Variants in SLC22A23 observed in about 807,000 individuals in gnomAD.
SLC22A23 encodes the protein solute carrier family 22 member 23, also known as ion transporter protein.
A neutral mutation model predicts 61.0 loss-of-function variants in SLC22A23; 26 were observed. The observed-to-expected ratio is 0.43, with a 90% CI of 0.31 to 0.59. The LOEUF (loss-of-function observed/expected upper bound fraction) is 0.59, where lower values mean the gene tolerates loss of function less well. Among genes scored for constraint, SLC22A23 ranks in the 20% least tolerant of loss-of-function variants. The probability of loss-of-function intolerance (pLI) is 0.11; values close to 1 mark genes in which losing one functional copy is unlikely to be tolerated. For synonymous variants in SLC22A23, 430 were observed against 413.9 expected (o/e 1.04, Z -0.47); for missense variants, 796 against 934.7 (o/e 0.85, Z 1.94).
At chr6:3,345,145 A>T (rs1353070537) in intron 3 of SLC22A23, among the ~76,000 whole-genome samples, 2 of 152,202 alleles carry the variant, frequency 1.3e-5, no homozygotes, top group African/African-American at 4.8e-5. Context: ...CTTCTACTAC[A>T]TTCCCAAATT....
chr6:3,296,652 A>G (rs1761122220), intron 5 of SLC22A23, among the ~76,000 whole-genome samples: 1 of 152,222 alleles, frequency 6.6e-6, no homozygotes, highest in Non-Finnish European at 1.5e-5. Context: ...CATGTCAACC[A>G]GACCTGGCTC....
At chr6:3,434,955 G>A (rs985685837) in intron 1 of SLC22A23, among the ~76,000 whole-genome samples, 2 of 152,138 alleles carry the variant, frequency 1.3e-5, no homozygotes, top group Non-Finnish European at 2.9e-5. Flanking sequence ...TTCCAAACAG[G>A]AGTCTGACTG....
chr6:3,454,681 C>T lies in SLC22A23; in HGVS notation c.654+1225G>A, dbSNP rs539037574. Among the ~76,000 whole-genome samples the T allele has an allele frequency of 7.2e-4, 109 of 152,190 alleles. No homozygotes were observed. The highest frequency in any genetic ancestry group is 3.2e-3 in the Middle Eastern group (1 of 316). On this transcript the variant is annotated intron_variant, in intron 1 of 9. Transcript: ENST00000406686. The surrounding 1 kb of genome is among the most constrained non-coding windows in gnomAD (Gnocchi z 4.3). ...AGGTGAACCCAGCTAGAAGGACCTT[C>T]CCCATTACCTTGCAGGGCAGCAGGG... is the stretch of plus-strand genomic sequence containing the variant.
At chr6:3,284,580 A>T (rs1193046492) in intron 8 of SLC22A23, among the ~76,000 whole-genome samples, 1 of 152,096 alleles carries the variant, frequency 6.6e-6, no homozygotes, top group Non-Finnish European at 1.5e-5. Context: ...CTCTCCAGGG[A>T]CACGGGCGAG....
chr6:3,381,703 T>A (rs1428427598), intron 3 of SLC22A23, among the ~76,000 whole-genome samples: 2 of 152,192 alleles, frequency 1.3e-5, no homozygotes, highest in East Asian at 3.9e-4. Flanking sequence ...ATTTATTTCT[T>A]ACAGGCTTAT....
At position 3,386,509 on chromosome 6, in the gene SLC22A23, A is replaced by G. The variant is rs1346671699; in HGVS notation, c.913+23679T>C. 6.6e-6 allele frequency among the ~76,000 whole-genome samples: 1 copy of G among 152,198 alleles called. No individual in the cohort carries two copies. Among genetic ancestry groups the G allele is most frequent in the Non-Finnish European group, 1.5e-5 (1 of 68,038 alleles). On this transcript the variant is annotated intron_variant, in intron 3 of 9. Transcript: ENST00000406686. This position sits in a 1 kb window ranked among gnomAD's most constrained non-coding sequence, Gnocchi z 4.4. The stretch of plus-strand genomic sequence containing the variant: ...GGGTCTGAATAAAGCAGCCAACAGG[A>G]GGCTCCGGGTTCTGAGGCAGCCTTG...
At position 3,289,736 on chromosome 6, in the gene SLC22A23, CAGCTGGCACT is replaced by C. The variant is rs750164590; in HGVS notation, c.1313+18_1313+27del. The C allele has an allele frequency of 6.2e-7, 1 of 1,600,234 alleles. No individual in the cohort carries two copies. The highest frequency in any genetic ancestry group is 8.6e-7 in the Non-Finnish European group (1 of 1,169,316). ...CCTTCTTCCCTGGCCCCCTCCCACCCAGCTGGCACTTGTCCTCTGTGACTCACGAGTTCAC... is the reference window on the plus strand; with the variant it reads ...CCTTCTTCCCTGGCCCCCTCCCACCCTGTCCTCTGTGACTCACGAGTTCAC... On this transcript the variant is annotated intron_variant, in intron 6 of 9. Transcript: ENST00000406686.
intron 9 of SLC22A23, among the ~76,000 whole-genome samples, chr6:3,279,693 G>A (rs1013288585): frequency 4.0e-5 from 6 of 151,684 alleles, no homozygotes; most frequent in African/African-American, 1.5e-4. Flanking sequence ...CTGAAATGTG[G>A]GCTCTGCCAG....
intron 3 of SLC22A23, among the ~76,000 whole-genome samples, chr6:3,356,880 C>T (rs1765136603): frequency 1.3e-5 from 2 of 151,988 alleles, no homozygotes; most frequent in Non-Finnish European, 2.9e-5. Context: ...GAAATGGCCC[C>T]TTCAAAGGTC....
At chr6:3,453,699 G>A (rs1052514535) in intron 1 of SLC22A23, among the ~76,000 whole-genome samples, 1 of 152,216 alleles carries the variant, frequency 6.6e-6, no homozygotes, top group Non-Finnish European at 1.5e-5. Flanking sequence ...ACATGCTGAA[G>A]ACAGCATGAG....
chr6:3,357,993 G>A (rs1765217517), intron 3 of SLC22A23, among the ~76,000 whole-genome samples: 1 of 152,196 alleles, frequency 6.6e-6, no homozygotes. Context: ...AGGCCTGGGA[G>A]GAGAGTTTTC....
At chr6:3,353,434 C>A (rs189661824) in intron 3 of SLC22A23, among the ~76,000 whole-genome samples, 1 of 152,184 alleles carries the variant, frequency 6.6e-6, no homozygotes, top group South Asian at 2.1e-4. Flanking sequence ...CTGGCTTGAG[C>A]GGTTTGGCTT....
At chr6:3,320,630 C>T (rs1239501214) in intron 4 of SLC22A23, among the ~76,000 whole-genome samples, 1 of 152,134 alleles carries the variant, frequency 6.6e-6, no homozygotes. Context: ...CAAATCCTGT[C>T]AAACAACAGA....
intron 3 of SLC22A23, among the ~76,000 whole-genome samples, chr6:3,368,170 G>C (rs1739863085): frequency 6.6e-6 from 1 of 152,228 alleles, no homozygotes; most frequent in African/African-American, 2.4e-5. Flanking sequence ...ACATGACAAA[G>C]GGCTTGATGG....
At chr6:3,402,739 G>A (rs1169856324) in intron 3 of SLC22A23, among the ~76,000 whole-genome samples, 2 of 152,240 alleles carry the variant, frequency 1.3e-5, no homozygotes, top group Non-Finnish European at 2.9e-5. Context: ...CCAGCAGGGT[G>A]TGTCTCTGCC....
chr6:3,443,998 C>T lies in SLC22A23; in HGVS notation c.654+11908G>A, dbSNP rs551517814. 5.9e-5 allele frequency among the ~76,000 whole-genome samples: 9 copies of T among 152,278 alleles called. No individual in the cohort carries two copies. In the South Asian group the frequency reaches 1.9e-3, roughly 32 times the overall value. On this transcript the variant is annotated intron_variant, in intron 1 of 9. Transcript: ENST00000406686. The stretch of plus-strand genomic sequence containing the variant: ...CTTCCACCTGCTGCCCTGCATCTTT[C>T]CAAGAAATTCCTTTTATATTTTGTT...
At chr6:3,383,918 C>T (rs13212284) in intron 3 of SLC22A23, among the ~76,000 whole-genome samples, 253 of 152,322 alleles carry the variant, frequency 1.7e-3, no homozygotes, top group Admixed American at 3.4e-3. Flanking sequence ...ATGATCAGAG[C>T]TGCCTTTTTA....
At chr6:3,334,777 G>C (rs1336438144) in intron 3 of SLC22A23, among the ~76,000 whole-genome samples, 1 of 152,178 alleles carries the variant, frequency 6.6e-6, no homozygotes, top group Admixed American at 6.5e-5. Flanking sequence ...ACAAAACACT[G>C]TCTAGGTCAC....
In SLC22A23 at chr6:3,414,227, T is replaced by A. The variant is rs1184105692; in HGVS notation, c.758+1525A>T. Among the ~76,000 whole-genome samples, 1 of 152,208 alleles carries A rather than the reference T, an allele frequency of 6.6e-6. No individual in the cohort carries two copies. The highest frequency in any genetic ancestry group is 1.5e-5 in the Non-Finnish European group (1 of 68,036). ...GCATTTTTTTAGAAAGACAGTGACA[T>A]GGATTATATTAGTATATTTTTCTAA... On this transcript the variant is annotated intron_variant, in intron 2 of 9. Coordinates refer to ENST00000406686, the MANE Select transcript of SLC22A23 (RefSeq NM_015482.2). This position sits in a 1 kb window ranked among gnomAD's most constrained non-coding sequence, Gnocchi z 5.1.
Sources: gnomAD v4.1 joint callset for allele counts (sites outside exome capture counted in the v4.1 genomes callset) on GRCh38, gnomAD v4.1.1 for gene constraint, Gnocchi (gnomAD v3.1) non-coding constraint, MANE v1.5 for transcripts, NCBI Gene and HGNC (gene_info 2026-07-23, HGNC 2026-07-21) for gene names.